The following TMEM132D variants were observed in gnomAD, a reference collection of about 807,000 sequenced individuals.
The protein encoded by TMEM132D is mature OL transmembrane protein.
In TMEM132D, 21 loss-of-function variants were observed where a neutral mutation model predicts 62.3. That is an observed-to-expected ratio of 0.34 (90% CI 0.24 to 0.49). The LOEUF (loss-of-function observed/expected upper bound fraction) is 0.49, where lower values mean the gene tolerates loss of function less well. Among genes scored for constraint, TMEM132D ranks in the 20% least tolerant of loss-of-function variants. The probability of loss-of-function intolerance (pLI) is 0.99; values close to 1 mark genes in which losing one functional copy is unlikely to be tolerated. For synonymous variants in TMEM132D, 621 were observed against 575.6 expected, an observed-to-expected ratio of 1.08 and a Z score of -1.13; for missense variants, 1,346 against 1,402.8, an observed-to-expected ratio of 0.96 and a Z score of 0.65.
chr12:129,224,636 G>A (rs1406962168), intron 4 of TMEM132D, among the ~76,000 whole-genome samples: 2 of 152,112 alleles, frequency 1.3e-5, no homozygotes, highest in Non-Finnish European at 2.9e-5. Context: ...GGCAGGGCAC[G>A]GTGGCTCATG....
intron 3 of TMEM132D, among the ~76,000 whole-genome samples, chr12:129,507,572 T>C (rs763283363): frequency 3.9e-5 from 6 of 152,132 alleles, no homozygotes; most frequent in Admixed American, 1.3e-4. Flanking sequence ...CTGGATGAGA[T>C]TGGAGACTAC....
chr12:129,174,394 C>A (rs1045626307), intron 5 of TMEM132D, among the ~76,000 whole-genome samples: 1 of 152,172 alleles, frequency 6.6e-6, no homozygotes, highest in Admixed American at 6.5e-5. Context: ...TATGTCCCTG[C>A]AAAGGACATG....
chr12:129,073,601 C>T lies in TMEM132D; in HGVS notation c.*274G>A, dbSNP rs372535592. On this transcript the variant is annotated 3_prime_UTR_variant, in exon 9 of 9. Coordinates refer to ENST00000422113, the MANE Select transcript of TMEM132D (RefSeq NM_133448.3). Reference sequence around the variant, plus strand: ...CTGTTCTTTCCTGGACGCTCTCAGACGCTCAGTGATTCAGAACTCGTTTTT... The same window carrying T: ...CTGTTCTTTCCTGGACGCTCTCAGATGCTCAGTGATTCAGAACTCGTTTTT... 1.6e-4 allele frequency: 58 copies of T among 356,846 alleles called. No individual in the cohort carries two copies. The highest frequency in any genetic ancestry group is 8.3e-4 in the East Asian group (19 of 22,970). 22.1% of individuals were successfully genotyped at this position (356,846 alleles called of 1,614,324 possible). A position where few individuals can be genotyped will look rare whatever the true frequency, so the allele number is the denominator to read the frequency against.
intron 1 of TMEM132D, among the ~76,000 whole-genome samples, chr12:129,702,948 C>A (rs527372094): frequency 2.0e-5 from 3 of 152,288 alleles, no homozygotes; most frequent in East Asian, 3.9e-4. Flanking sequence ...CCATTAAGAG[C>A]TCCGTGTAAT....
At chr12:129,124,741 T>C (rs1876161686) in intron 5 of TMEM132D, among the ~76,000 whole-genome samples, 1 of 152,250 alleles carries the variant, frequency 6.6e-6, no homozygotes. Flanking sequence ...CATTTCCAGC[T>C]CTGGGCTATT....
intron 3 of TMEM132D, among the ~76,000 whole-genome samples, chr12:129,355,290 C>CTT (rs200532782): frequency 1.3e-5 from 2 of 151,216 alleles, no homozygotes; most frequent in African/African-American, 4.9e-5. Context: ...TACCTGTATG[C>CTT]TTTTTTTTTC....
intron 3 of TMEM132D, among the ~76,000 whole-genome samples, chr12:129,401,804 T>C (rs912592983): frequency 1.3e-5 from 2 of 152,114 alleles, no homozygotes; most frequent in African/African-American, 4.8e-5. Flanking sequence ...TCCACCTCTG[T>C]TCTCCTGCCT....
chr12:129,400,939 GA>G (rs1181765744), intron 3 of TMEM132D, among the ~76,000 whole-genome samples: 1 of 152,140 alleles, frequency 6.6e-6, no homozygotes, highest in Non-Finnish European at 1.5e-5. Context: ...TTGCAAAGGT[GA>G]AAAAAGTTTA....
intron 4 of TMEM132D, among the ~76,000 whole-genome samples, chr12:129,280,940 T>G (rs1881127207): frequency 6.6e-6 from 1 of 152,056 alleles, no homozygotes; most frequent in Non-Finnish European, 1.5e-5. Flanking sequence ...GGTGGGCTGG[T>G]AATATCTAAG....
chr12:129,445,446 CTCAAAA>C (rs1206091725), intron 3 of TMEM132D, among the ~76,000 whole-genome samples: 1 of 152,120 alleles, frequency 6.6e-6, no homozygotes, highest in Non-Finnish European at 1.5e-5. Context: ...TACCCCTGAA[CTCAAAA>C]TCAAATTAAG....
intron 1 of TMEM132D, among the ~76,000 whole-genome samples, chr12:129,887,554 C>T (rs991619079): frequency 5.3e-5 from 8 of 152,230 alleles, no homozygotes; most frequent in African/African-American, 9.6e-5. Flanking sequence ...CTGCGAAGTT[C>T]GGTTCCTACC....
chr12:129,409,379 T>TAC (rs1263121904), intron 3 of TMEM132D, among the ~76,000 whole-genome samples: 8 of 152,042 alleles, frequency 5.3e-5, no homozygotes, highest in South Asian at 2.1e-4. Flanking sequence ...CATTCCCTTA[T>TAC]ACACACACAC....
chr12:129,315,467 A>G (rs1356026344), intron 4 of TMEM132D, among the ~76,000 whole-genome samples: 1 of 152,128 alleles, frequency 6.6e-6, no homozygotes, highest in Admixed American at 6.5e-5. Context: ...CATGTGTTAA[A>G]CCATCCCTGC....
At chr12:129,592,066 G>C (rs1878203763) in intron 2 of TMEM132D, among the ~76,000 whole-genome samples, 1 of 151,844 alleles carries the variant, frequency 6.6e-6, no homozygotes, top group African/African-American at 2.4e-5. Context: ...ACAATAATCT[G>C]ATCCGATTTC....
intron 5 of TMEM132D, among the ~76,000 whole-genome samples, chr12:129,133,889 C>A (rs140183037): frequency 6.6e-6 from 1 of 152,132 alleles, no homozygotes; most frequent in African/African-American, 2.4e-5. Context: ...CTCTTTCCTC[C>A]GGAGTTGGTA....
intron 5 of TMEM132D, among the ~76,000 whole-genome samples, chr12:129,179,139 A>G (rs1217221149): frequency 6.6e-6 from 1 of 152,204 alleles, no homozygotes; most frequent in Non-Finnish European, 1.5e-5. Flanking sequence ...ATCAGCGTAC[A>G]GAAACGGGAT....
At chr12:129,357,899 CA>C (rs1274689578) in intron 3 of TMEM132D, among the ~76,000 whole-genome samples, 1 of 152,214 alleles carries the variant, frequency 6.6e-6, no homozygotes, top group Non-Finnish European at 1.5e-5. Flanking sequence ...ATCTCATTAT[CA>C]AGATGAAAGT....
chr12:129,422,000 C>T (rs769402612), intron 3 of TMEM132D, among the ~76,000 whole-genome samples: 5 of 151,256 alleles, frequency 3.3e-5, no homozygotes, highest in African/African-American at 4.9e-5. Context: ...CCTGTGCCTT[C>T]GCGGTCAAAT....
chr12:129,447,346 T>C (rs1873129559), intron 3 of TMEM132D, among the ~76,000 whole-genome samples: 1 of 152,356 alleles, frequency 6.6e-6, no homozygotes, highest in East Asian at 1.9e-4. Context: ...TCTTTACTAA[T>C]ACATTCATTT....
Sources: allele counts gnomAD v4.1 joint callset (sites outside exome capture counted in the v4.1 genomes callset), GRCh38; gene constraint gnomAD v4.1.1; transcripts MANE v1.5; gene names NCBI Gene and HGNC (gene_info 2026-07-23, HGNC 2026-07-21).